TSPAN12: variants seen among roughly 807,000 people sequenced by gnomAD.
TSPAN12 encodes the protein tetraspanin 12.
TSPAN12 carries 19 observed loss-of-function variants against 39.2 expected under a neutral mutation model. The observed-to-expected ratio is 0.49, with a 90% CI of 0.34 to 0.71. The LOEUF (loss-of-function observed/expected upper bound fraction) is 0.71, where lower values mean the gene tolerates loss of function less well. TSPAN12 is among the 30% of genes least tolerant of loss of function. The probability of loss-of-function intolerance (pLI) is 0.01; values close to 1 mark genes in which losing one functional copy is unlikely to be tolerated. For synonymous variants in TSPAN12, 119 were observed against 124.8 expected (o/e 0.95, Z 0.31); for missense variants, 314 against 359.9 (o/e 0.87, Z 1.03).
At chr7:120,837,385 C>G (rs1240491745) in intron 4 of TSPAN12, among the ~76,000 whole-genome samples, 1 of 150,366 alleles carries the variant, frequency 6.7e-6, no homozygotes, top group Non-Finnish European at 1.5e-5. Context: ...GATCTCGGCT[C>G]ACTGCAACCT....
At chr7:120,840,561 GATAGTA>G (rs1211442222) in intron 2 of TSPAN12, among the ~76,000 whole-genome samples, 1 of 152,172 alleles carries the variant, frequency 6.6e-6, no homozygotes, top group Non-Finnish European at 1.5e-5. Context: ...GCATTAAAAT[GATAGTA>G]ATAGTAATAA....
chr7:120,845,569 T>C (rs1189436927), intron 2 of TSPAN12, among the ~76,000 whole-genome samples: 2 of 152,210 alleles, frequency 1.3e-5, no homozygotes, highest in Non-Finnish European at 2.9e-5. Flanking sequence ...CAGATTACCC[T>C]AAATCATCAC....
intron 2 of TSPAN12, among the ~76,000 whole-genome samples, chr7:120,845,194 G>A (rs1562952910): frequency 6.6e-6 from 1 of 152,176 alleles, no homozygotes; most frequent in Non-Finnish European, 1.5e-5. Flanking sequence ...CAGGGCAGCA[G>A]GGCCCTGGGC....
chr7:120,857,966 C>T lies in TSPAN12; in HGVS notation c.-217G>A, dbSNP rs1193966127. On this transcript the variant is annotated 5_prime_UTR_variant, in exon 1 of 8. Transcript: ENST00000222747. ...AGACGCTTCTTTCTCTTCCTCTCCC[C>T]CCGCCGCCGCCGTCGCCGCCTCCTG... The T allele has an allele frequency of 6.5e-6, 1 of 154,652 alleles. No individual in the cohort carries two copies. Among genetic ancestry groups the T allele is most frequent in the Non-Finnish European group, 1.4e-5 (1 of 69,922 alleles). 9.6% of individuals were successfully genotyped at this position (154,652 alleles called of 1,614,324 possible).
intron 7 of TSPAN12, among the ~76,000 whole-genome samples, chr7:120,798,949 A>G (rs1488759280): frequency 6.6e-6 from 1 of 152,218 alleles, no homozygotes; most frequent in Non-Finnish European, 1.5e-5. Flanking sequence ...TAAAGACAAT[A>G]GCAATTAAGG....
At chr7:120,832,724 T>A (rs1198103643) in intron 4 of TSPAN12, among the ~76,000 whole-genome samples, 1 of 151,668 alleles carries the variant, frequency 6.6e-6, no homozygotes, top group East Asian at 1.9e-4. Flanking sequence ...CAATACACAA[T>A]TAAGGAGGGC....
intron 4 of TSPAN12, among the ~76,000 whole-genome samples, chr7:120,824,842 A>G (rs546213223): frequency 1.3e-5 from 2 of 152,306 alleles, no homozygotes; most frequent in South Asian, 2.1e-4. Flanking sequence ...TTGAGTGCCT[A>G]TATTTTGGAA....
chr7:120,793,874 C>A (rs12113543), intron 7 of TSPAN12, among the ~76,000 whole-genome samples: 7,253 of 152,182 alleles, frequency 0.048, 571 homozygotes, highest in African/African-American at 0.17. Flanking sequence ...GATATTTTTT[C>A]TCGATAAAGT....
chr7:120,808,127 G>T (rs1358895368), intron 6 of TSPAN12, among the ~76,000 whole-genome samples: 1 of 152,084 alleles, frequency 6.6e-6, no homozygotes, highest in African/African-American at 2.4e-5. Flanking sequence ...AGTCCTTTCT[G>T]TGTTGATGAC....
chr7:120,792,487 A>G (rs534380451), intron 7 of TSPAN12, among the ~76,000 whole-genome samples: 9 of 136,650 alleles, frequency 6.6e-5, no homozygotes, highest in African/African-American at 2.2e-4. Context: ...AAAGTTACAC[A>G]CATGAATAGG....
chr7:120,806,425 G>C, intron 7 of TSPAN12, 124 bp downstream of exon 7: 1 of 1,027,516 alleles, frequency 9.7e-7, no homozygotes, highest in Non-Finnish European at 1.4e-6. Flanking sequence ...CCATATTAGA[G>C]AAAAATTTTA....
At chr7:120,801,626 T>G (rs1793772802) in intron 7 of TSPAN12, among the ~76,000 whole-genome samples, 1 of 152,334 alleles carries the variant, frequency 6.6e-6, no homozygotes, top group Non-Finnish European at 1.5e-5. Flanking sequence ...TATATTTTAG[T>G]TGACGTTCTG....
At chr7:120,805,533 G>A (rs1200982727) in intron 7 of TSPAN12, among the ~76,000 whole-genome samples, 1 of 152,090 alleles carries the variant, frequency 6.6e-6, no homozygotes, top group Non-Finnish European at 1.5e-5. Context: ...TATGAATAGT[G>A]TGAGCAGTGC....
intron 7 of TSPAN12, among the ~76,000 whole-genome samples, chr7:120,799,588 T>A (rs1190723055): frequency 1.1e-5 from 1 of 91,560 alleles, no homozygotes; most frequent in Non-Finnish European, 2.1e-5. Flanking sequence ...TTATATGTAA[T>A]AATATAATTA....
intron 4 of TSPAN12, among the ~76,000 whole-genome samples, chr7:120,826,867 C>T (rs1794297998): frequency 6.6e-6 from 1 of 152,102 alleles, no homozygotes; most frequent in Admixed American, 6.6e-5. Context: ...GGACTACAGA[C>T]ATGCACCACC....
intron 2 of TSPAN12, among the ~76,000 whole-genome samples, chr7:120,852,608 G>A (rs1258445890): frequency 6.6e-6 from 1 of 152,176 alleles, no homozygotes; most frequent in Non-Finnish European, 1.5e-5. Flanking sequence ...AGATCTCCAG[G>A]TGTGCATGCA....
chr7:120,851,875 C>G (rs1054705889), intron 2 of TSPAN12, among the ~76,000 whole-genome samples: 13 of 152,192 alleles, frequency 8.5e-5, no homozygotes, highest in African/African-American at 2.6e-4. Context: ...TTGTGCCGAC[C>G]CCAGTACAAT....
chr7:120,806,967 A>G (rs192714492), intron 6 of TSPAN12, among the ~76,000 whole-genome samples: 44 of 152,258 alleles, frequency 2.9e-4, no homozygotes, highest in African/African-American at 1.0e-3. Context: ...AAGCTCATCT[A>G]CAAGTGACTA....
chr7:120,827,025 T>C (rs1426654764), intron 4 of TSPAN12, among the ~76,000 whole-genome samples: 1 of 152,156 alleles, frequency 6.6e-6, no homozygotes, highest in Non-Finnish European at 1.5e-5. Context: ...ACCCCACCAA[T>C]AGTCAGCATC....
Sources: gnomAD v4.1 joint callset for allele counts (sites outside exome capture counted in the v4.1 genomes callset) on GRCh38, gnomAD v4.1.1 for gene constraint, MANE v1.5 for transcripts, NCBI Gene and HGNC (gene_info 2026-07-23, HGNC 2026-07-21) for gene names.